The following RIMS1 variants were observed in gnomAD, a reference collection of about 807,000 sequenced individuals.
The protein encoded by RIMS1 is regulating synaptic membrane exocytosis 1.
Under a neutral mutation model 214.1 loss-of-function variants are expected in RIMS1, and 83 were observed. The ratio of observed to expected loss-of-function variants is 0.39; its 90% CI spans 0.32 to 0.47. The LOEUF is 0.47. Ranked by LOEUF, RIMS1 falls within the 20% of genes least tolerant of loss-of-function variation. The probability of loss-of-function intolerance (pLI) is 0.99; values close to 1 mark genes in which losing one functional copy is unlikely to be tolerated. For missense variants in RIMS1, 2,050 were observed against 2,161.8 expected (o/e 0.95, Z 1.03); for synonymous variants, 793 against 786.8 (o/e 1.01, Z -0.13).
chr6:72,368,639 T>C (rs1209239684), intron 29 of RIMS1, among the ~76,000 whole-genome samples: 1 of 152,054 alleles, frequency 6.6e-6, no homozygotes, highest in Non-Finnish European at 1.5e-5. Context: ...TCAATGAAGA[T>C]GCGGTAAGCA....
intron 15 of RIMS1, 55 bp downstream of exon 15, chr6:72,251,423 TAGTG>T: frequency 1.6e-6 from 2 of 1,256,824 alleles, no homozygotes; most frequent in Non-Finnish European, 2.2e-6. Context: ...ATGATCTAAT[TAGTG>T]ATTAATAATT....
chr6:72,161,182 G>A (rs571118322), intron 4 of RIMS1, among the ~76,000 whole-genome samples: 4 of 140,302 alleles, frequency 2.9e-5, no homozygotes, highest in African/African-American at 9.9e-5. Context: ...ATAGAGGTGT[G>A]TATAGTATTC....
intron 29 of RIMS1, among the ~76,000 whole-genome samples, chr6:72,376,831 T>C (rs1323670796): frequency 6.6e-6 from 1 of 152,160 alleles, no homozygotes; most frequent in East Asian, 1.9e-4. Context: ...TCACAGGTTT[T>C]TCAGAGTCTG....
At chr6:72,020,109 A>G (rs1341535616) in intron 2 of RIMS1, among the ~76,000 whole-genome samples, 1 of 152,196 alleles carries the variant, frequency 6.6e-6, no homozygotes, top group African/African-American at 2.4e-5. Flanking sequence ...AACAGTAATT[A>G]CACTTATTTG....
chr6:72,195,706 T>C (rs1027818680), intron 6 of RIMS1, among the ~76,000 whole-genome samples: 2 of 152,104 alleles, frequency 1.3e-5, no homozygotes, highest in Middle Eastern at 3.2e-3. Context: ...AGCAGTATAA[T>C]GCATACTGCT....
rs1421490594 is a variant in RIMS1 at position 72,249,080 on chromosome 6, T to C, written c.2241+953T>C. Among the ~76,000 whole-genome samples the C allele has an allele frequency of 2.6e-5, 4 of 152,326 alleles. No homozygotes were observed. In the East Asian group the frequency reaches 7.7e-4, roughly 29 times the overall value. On this transcript the variant is annotated intron_variant, in intron 12 of 33. Transcript: ENST00000521978. Reference sequence around the variant, plus strand: ...GGATTTACACAGATCCAGGTTTGAATTCTTAATCTGTTCCTTACCATGAAA... The same window carrying C: ...GGATTTACACAGATCCAGGTTTGAACTCTTAATCTGTTCCTTACCATGAAA...
At chr6:72,218,097 G>T (rs1323266082) in intron 6 of RIMS1, among the ~76,000 whole-genome samples, 1 of 71,838 alleles carries the variant, frequency 1.4e-5, no homozygotes, top group African/African-American at 5.1e-5. Context: ...TAAATACAGC[G>T]GTTTTTTTGC....
chr6:72,252,205 A>G (rs141447524), intron 15 of RIMS1, among the ~76,000 whole-genome samples: 6 of 152,280 alleles, frequency 3.9e-5, no homozygotes, highest in African/African-American at 1.4e-4. Context: ...GAACTAAATT[A>G]TTTTTCTCAC....
intron 2 of RIMS1, among the ~76,000 whole-genome samples, chr6:71,992,408 T>TCTC (rs1562050149): frequency 6.2e-4 from 28 of 45,310 alleles, no homozygotes; most frequent in African/African-American, 1.8e-3. Context: ...CTCTCTCTCT[T>TCTC]TCTTTCTTTC....
At chr6:72,269,420 A>C (rs2082019192) in intron 22 of RIMS1, among the ~76,000 whole-genome samples, 1 of 152,114 alleles carries the variant, frequency 6.6e-6, no homozygotes. Flanking sequence ...ACTGTTCCTT[A>C]AATTTTATTT....
chr6:72,233,094 A>T (rs1171149985), intron 6 of RIMS1, among the ~76,000 whole-genome samples: 1 of 151,892 alleles, frequency 6.6e-6, no homozygotes, highest in Non-Finnish European at 1.5e-5. Flanking sequence ...TACTGAAAGC[A>T]CTGATACTTT....
chr6:71,915,227 A>G (rs1166900292), intron 1 of RIMS1, among the ~76,000 whole-genome samples: 1 of 152,210 alleles, frequency 6.6e-6, no homozygotes, highest in South Asian at 2.1e-4. Flanking sequence ...ATATGTATGT[A>G]TATGTTTTCT....
intron 1 of RIMS1, among the ~76,000 whole-genome samples, chr6:71,958,824 C>T (rs1030159228): frequency 6.6e-6 from 1 of 152,048 alleles, no homozygotes; most frequent in African/African-American, 2.4e-5. Context: ...AGTAAGAAAT[C>T]CTGTTTGCTA....
intron 29 of RIMS1, among the ~76,000 whole-genome samples, chr6:72,380,780 C>T (rs772239549): frequency 1.3e-5 from 2 of 152,100 alleles, no homozygotes; most frequent in Non-Finnish European, 2.9e-5. Flanking sequence ...AATCCTCCCA[C>T]GTCGGCCTTC....
chr6:72,237,932 C>CT lies in RIMS1; in HGVS notation c.1957+17dup, dbSNP rs953511700. ...GGACACCTAAGAGCAGGTAAAGTTT[C>CT]TTTTTTTAATATTTAAACAGTGTGT... On this transcript the variant is annotated intron_variant, in intron 9 of 33. Transcript: ENST00000521978. 3.2e-6 allele frequency: 5 copies of CT among 1,580,970 alleles called. No homozygotes were observed. The highest frequency in any genetic ancestry group is 1.7e-4 in the Middle Eastern group (1 of 5,948).
intron 2 of RIMS1, among the ~76,000 whole-genome samples, chr6:71,992,136 G>A (rs768803426): frequency 1.3e-5 from 2 of 152,134 alleles, no homozygotes; most frequent in Non-Finnish European, 2.9e-5. Context: ...AAAAGAGGTT[G>A]AAAGGATCAT....
intron 6 of RIMS1, among the ~76,000 whole-genome samples, chr6:72,189,276 A>G (rs1217663485): frequency 6.6e-6 from 1 of 152,220 alleles, no homozygotes; most frequent in Admixed American, 6.5e-5. Flanking sequence ...TGCGACTTCA[A>G]AAGGCCATTC....
At chr6:72,271,282 AAAAAATATATATAT>A (rs70994118) in intron 22 of RIMS1, among the ~76,000 whole-genome samples, 20,275 of 68,214 alleles carry the variant, frequency 0.3, 1,994 homozygotes, top group South Asian at 0.46. Context: ...AAAAAAAAAA[AAAAAATATATATAT>A]ATATATATAT....
At chr6:71,939,967 G>C (rs1312872873) in intron 1 of RIMS1, among the ~76,000 whole-genome samples, 1 of 152,156 alleles carries the variant, frequency 6.6e-6, no homozygotes, top group Non-Finnish European at 1.5e-5. Context: ...TGTGAACTTA[G>C]ACAAATTAAT....
Sources: allele counts gnomAD v4.1 joint callset (sites outside exome capture counted in the v4.1 genomes callset), GRCh38; gene constraint gnomAD v4.1.1; transcripts MANE v1.5; gene names NCBI Gene and HGNC (gene_info 2026-07-23, HGNC 2026-07-21).